Variants in GNL3L observed in about 807,000 individuals in gnomAD.
GNL3L encodes the protein G protein nucleolar 3 like.
GNL3L carries 4 observed loss-of-function variants against 42.9 expected under a neutral mutation model. The observed-to-expected ratio is 0.09, with a 90% CI of 0.05 to 0.21. The LOEUF is 0.21. GNL3L is among the 10% of genes least tolerant of loss of function. The pLI is 1.00. For synonymous variants in GNL3L, 159 were observed against 176.3 expected, an observed-to-expected ratio of 0.90 and a Z score of 0.78; for missense variants, 412 against 481.7, an observed-to-expected ratio of 0.86 and a Z score of 1.36.
chrX:54,533,009 G>C (rs1352075848), intron 2 of GNL3L, among the ~76,000 whole-genome samples: 1 of 111,677 alleles, frequency 9.0e-6, no homozygotes, highest in East Asian at 2.8e-4. Context: ...CACTCAGTCT[G>C]GATCTTTTTC....
intron 16 of GNL3L, among the ~76,000 whole-genome samples, chrX:54,604,590 G>C (rs2147528933): frequency 8.9e-6 from 1 of 111,736 alleles, no homozygotes; most frequent in East Asian, 2.8e-4. Context: ...ATGAGCTTGG[G>C]ATTTTTAGGA....
At chrX:54,587,422 T>C (rs1284880229) in intron 16 of GNL3L, among the ~76,000 whole-genome samples, 2 of 111,780 alleles carry the variant, frequency 1.8e-5, no homozygotes, top group Non-Finnish European at 3.8e-5. Flanking sequence ...GCTTTATATA[T>C]GTGGGAGCTC....
At position 54,551,662 on chromosome X, in the gene GNL3L, C is replaced by T. The variant is rs1035153836; in HGVS notation, c.958C>T (p.Arg320Cys). The T allele has an allele frequency of 5.0e-6, 6 of 1,210,463 alleles. No homozygotes were observed. The highest frequency in any genetic ancestry group is 3.5e-5 in the South Asian group (2 of 56,943). Residue 320 changes from arginine (R) to cysteine (C), a missense_variant, in exon 11 of 16, where the codon CGT becomes TGT. Physicochemically the swap from Arg to Cys is radical, Grantham distance 180. Coordinates refer to ENST00000360845, the MANE Select transcript of GNL3L (RefSeq NM_001184819.2). ...CAACTCAGAGGTGGGCACCATCCTG[C>T]GTAACTGCGTCCACGTGCAGAAGCT... ...GPNSEVGTIL[R>C]NCVHVQKLAD...
intron 2 of GNL3L, 25 bp downstream of exon 2, chrX:54,532,610 CAA>C: frequency 2.7e-6 from 3 of 1,119,535 alleles, no homozygotes; most frequent in Non-Finnish European, 3.7e-6. Context: ...CCACCCCTCC[CAA>C]TCCTGTGCTT....
chrX:54,570,547 A>G (rs1925529711), downstream of GNL3L, among the ~76,000 whole-genome samples: 1 of 111,248 alleles, frequency 9.0e-6, no homozygotes, highest in African/African-American at 3.3e-5. Context: ...ATTTAATGTT[A>G]TTATCAGTAT....
At chrX:54,578,034 C>T (rs1925659957) in intron 16 of GNL3L, among the ~76,000 whole-genome samples, 1 of 112,070 alleles carries the variant, frequency 8.9e-6, no homozygotes, top group East Asian at 2.8e-4. Context: ...TGAGCCACCG[C>T]ACCCGGCCCT....
At chrX:54,618,641 A>G (rs1329382601) in intron 16 of GNL3L, among the ~76,000 whole-genome samples, 1 of 111,813 alleles carries the variant, frequency 8.9e-6, no homozygotes, top group East Asian at 2.8e-4. Context: ...TCATACCTGT[A>G]ATCCCAGTGC....
In GNL3L at chrX:54,606,992, T is replaced by TTTCC. The variant is rs1202124165; in HGVS notation, c.*46-13850_*46-13847dup. Among the ~76,000 whole-genome samples, 138 of 64,925 alleles carry TTTCC rather than the reference T, an allele frequency of 2.1e-3. 1 individual carries two copies. Among genetic ancestry groups the TTTCC allele is most frequent in the Non-Finnish European group, 2.6e-3 (110 of 42,275 alleles). 56.4% of individuals were successfully genotyped at this position (64,925 alleles called of 115,157 possible). On this transcript the variant is annotated intron_variant, in intron 16 of 16. Transcript: ENST00000674498. ...GAAGATTTTTCTTTCTTTCCTTTCC[T>TTTCC]TTCCTTTCTTTCTTTCTTTCTTTCT...
chrX:54,562,066 T>G lies in GNL3L; in HGVS notation c.*1464T>G, dbSNP rs1444222076. Reference sequence around the variant, plus strand: ...CTTCGACCCACAGCTGCACCTTTATTTATTTATTTTGCTCTGTTGCCCAGG... The same window carrying G: ...CTTCGACCCACAGCTGCACCTTTATGTATTTATTTTGCTCTGTTGCCCAGG... On this transcript the variant is annotated 3_prime_UTR_variant, in exon 16 of 16. Coordinates refer to ENST00000360845, the MANE Select transcript of GNL3L (RefSeq NM_001184819.2). 8.9e-6 allele frequency among the ~76,000 whole-genome samples: 1 copy of G among 111,799 alleles called. No homozygotes were observed. Among genetic ancestry groups the G allele is most frequent in the Non-Finnish European group, 1.9e-5 (1 of 53,097 alleles).
chrX:54,558,566 T>C lies in GNL3L; in HGVS notation c.1577T>C (p.Leu526Pro), dbSNP rs981606457. ...DVCSVDRRSVLQRIMETDPLQ... is the reference protein window; with the variant it reads ...DVCSVDRRSVPQRIMETDPLQ... ...TGCTCAGTGGACCGCCGCTCAGTGC[T>C]GCAGAGGATCATGGAGACGGACCCC... The change falls in exon 15 of 16, where the codon CTG (leucine) becomes CCG (proline). Residue 526 changes from leucine to proline, a missense_variant. Coordinates refer to ENST00000360845, the MANE Select transcript of GNL3L (RefSeq NM_001184819.2). The C allele has an allele frequency of 5.0e-6, 6 of 1,208,565 alleles. No individual in the cohort carries two copies. Among genetic ancestry groups the C allele is most frequent in the Non-Finnish European group, 6.7e-6 (6 of 894,281 alleles).
intron 16 of GNL3L, among the ~76,000 whole-genome samples, chrX:54,587,421 A>T (rs1428122691): frequency 1.8e-5 from 2 of 111,452 alleles, no homozygotes; most frequent in Admixed American, 9.6e-5. Flanking sequence ...TGCTTTATAT[A>T]TGTGGGAGCT....
At chrX:54,534,089 C>T (rs767428576) in intron 2 of GNL3L, among the ~76,000 whole-genome samples, 1 of 87,021 alleles carries the variant, frequency 1.1e-5, no homozygotes, top group South Asian at 4.5e-4. Context: ...CTATGTTGTC[C>T]AGGCTGGGCT....
chrX:54,539,978 AC>A (rs969900309), intron 3 of GNL3L, among the ~76,000 whole-genome samples, 156 bp from the exon 4 acceptor site: 1 of 111,824 alleles, frequency 8.9e-6, no homozygotes, highest in African/African-American at 3.2e-5. Flanking sequence ...CCTGCTGCTC[AC>A]CTTGGGAGTG....
downstream of GNL3L, among the ~76,000 whole-genome samples, chrX:54,568,214 G>A (rs1315775714): frequency 1.8e-5 from 2 of 111,562 alleles, no homozygotes; most frequent in East Asian, 2.8e-4. Context: ...TGATCCGCCC[G>A]CCTCAGGCTC....
intron 16 of GNL3L, among the ~76,000 whole-genome samples, chrX:54,607,069 T>TTCC (rs1569542626): frequency 3.3e-5 from 2 of 61,111 alleles, no homozygotes; most frequent in African/African-American, 2.0e-4. Context: ...TCTTTCTTTC[T>TTCC]TTCTCTTTCT....
chrX:54,594,013 CTAACA>C (rs1925900384), intron 16 of GNL3L, among the ~76,000 whole-genome samples: 1 of 111,469 alleles, frequency 9.0e-6, no homozygotes, highest in Non-Finnish European at 1.9e-5. Flanking sequence ...GTTTTTTGAC[CTAACA>C]TAACATATGG....
chrX:54,572,788 A>ACGGGG (rs2147509424), intron 16 of GNL3L, among the ~76,000 whole-genome samples: 1 of 105,060 alleles, frequency 9.5e-6, no homozygotes, highest in African/African-American at 3.5e-5. Context: ...CACTTCTCAG[A>ACGGGG]CGGGGCAGCT....
At chrX:54,632,974 T>G in the GNL3L span, among the ~76,000 whole-genome samples, 2 of 111,577 alleles carry the variant, frequency 1.8e-5, no homozygotes, top group African/African-American at 6.5e-5. Flanking sequence ...GATGGAGTGC[T>G]TTCCCACTTC....
At chrX:54,571,352 C>T (rs992492733), downstream of GNL3L, among the ~76,000 whole-genome samples, 1 of 108,847 alleles carries the variant, frequency 9.2e-6, no homozygotes, top group African/African-American at 3.4e-5. Flanking sequence ...GGCCACCACG[C>T]CCGACTAATG....
Sources: allele counts gnomAD v4.1 joint callset (sites outside exome capture counted in the v4.1 genomes callset), GRCh38; gene constraint gnomAD v4.1.1; transcripts MANE v1.5; gene names NCBI Gene and HGNC (gene_info 2026-07-23, HGNC 2026-07-21).